The following SPRY4 variants were observed in gnomAD, a reference collection of about 807,000 sequenced individuals.
SPRY4 encodes protein sprouty homolog 4.
SPRY4 carries 7 observed loss-of-function variants against 17.0 expected under a neutral mutation model. The ratio of observed to expected loss-of-function variants is 0.41; its 90% confidence interval spans 0.23 to 0.77. The LOEUF is 0.77. Among genes scored for constraint, SPRY4 ranks in the 30% least tolerant of loss-of-function variants. The pLI, the probability that SPRY4 is intolerant of heterozygous loss-of-function variation, is 0.32. For synonymous variants in SPRY4, 183 were observed against 174.1 expected (o/e 1.05, Z -0.40); for missense variants, 435 against 419.9 (o/e 1.04, Z -0.31).
rs753337304 is a variant in SPRY4 at position 142,315,134 on chromosome 5, G to A, written c.-26C>T. 9 of 1,599,980 alleles carry A rather than the reference G, an allele frequency of 5.6e-6. No individual in the cohort carries two copies. The highest frequency in any genetic ancestry group is 1.7e-5 in the Admixed American group (1 of 59,520). On this transcript the variant is annotated 5_prime_UTR_variant, in exon 2 of 2. Transcript: ENST00000434127. Reference sequence around the variant, plus strand: ...GGGGCTGGAGGTCCTGGACTGTACGGAGAAACAGGCTTCTAGGGGCCCTGG... The same window carrying A: ...GGGGCTGGAGGTCCTGGACTGTACGAAGAAACAGGCTTCTAGGGGCCCTGG...
intron 1 of SPRY4, among the ~76,000 whole-genome samples, chr5:142,322,040 G>A (rs1219900834): frequency 4.7e-5 from 7 of 150,294 alleles, no homozygotes; most frequent in African/African-American, 1.5e-4. Context: ...GCACTGAAAG[G>A]CTGCTTTCAT....
chr5:142,315,234 T>A, intron 1 of SPRY4, 79 bp from the exon 2 acceptor site: 1 of 958,570 alleles, frequency 1.0e-6, no homozygotes. Context: ...TCACCCCCCA[T>A]CAGGTCCTTG....
chr5:142,314,302 G>C lies in SPRY4; in HGVS notation c.807C>G (p.Arg269=). 6.2e-7 allele frequency: 1 copy of C among 1,613,888 alleles called. No homozygotes were observed. The highest frequency in any genetic ancestry group is 8.5e-7 in the Non-Finnish European group (1 of 1,179,986). The change falls in exon 2 of 2, where the codon CGC becomes CGG. Residue 269 remains arginine (R), a synonymous_variant. Transcript: ENST00000434127. The surrounding 1 kb of genome is among the most constrained non-coding windows in gnomAD (Gnocchi z 4.8). ...TGTGCTTGCAGCGGCAACCAGGGCG[G>C]CGCAGACGGTCGTAGCCACGCTGGG... is the stretch of plus-strand genomic sequence containing the variant. The part of the protein sequence containing the change: ...KLAQRGYDRL[R]RPGCRCKHTN...
intron 1 of SPRY4, chr5:142,317,753 A>G: frequency 1.0e-6 from 1 of 985,378 alleles, no homozygotes; most frequent in African/African-American, 1.7e-5. Flanking sequence ...AATTCATGGA[A>G]AAGTCCCACC....
chr5:142,316,981 C>G (rs1759174492), intron 1 of SPRY4: 3 of 985,106 alleles, frequency 3.0e-6, no homozygotes, highest in Non-Finnish European at 3.6e-6. Context: ...TACCTAGTGG[C>G]AGTGCCTGCC....
intron 1 of SPRY4, chr5:142,317,204 A>C (rs1445756805): frequency 4.0e-5 from 39 of 985,338 alleles, no homozygotes; most frequent in Non-Finnish European, 1.2e-6. Flanking sequence ...GGCTGATGAC[A>C]ACGTAGGAAT....
Position 142,314,617 on chromosome 5 carries a change from C to T in SPRY4, c.492G>A (p.Lys164=), listed in dbSNP as rs775239777. The T allele has an allele frequency of 4.6e-5, 74 of 1,614,132 alleles. No homozygotes were observed. Among genetic ancestry groups the T allele is most frequent in the Non-Finnish European group, 6.0e-5 (71 of 1,180,042 alleles). The part of the protein sequence containing the change: ...KHFLLCEACG[K]CKCKECASPR... ...GGGATGCACACTCCTTGCATTTACA[C>T]TTCCCACAGGCCTCGCACAGCAAGA... The change falls in exon 2 of 2, where the codon AAG becomes AAA. Residue 164 remains lysine (K), a synonymous_variant. Coordinates refer to ENST00000434127, the MANE Select transcript of SPRY4 (RefSeq NM_001127496.3). This position sits in a 1 kb window ranked among gnomAD's most constrained non-coding sequence, Gnocchi z 4.8.
chr5:142,320,509 G>A (rs778693598), intron 1 of SPRY4, among the ~76,000 whole-genome samples: 14 of 152,140 alleles, frequency 9.2e-5, no homozygotes, highest in Non-Finnish European at 1.6e-4. Flanking sequence ...CCAGCACACG[G>A]AAGGGTGGGA....
intron 1 of SPRY4, chr5:142,317,262 C>T: frequency 2.0e-6 from 2 of 985,450 alleles, no homozygotes; most frequent in Non-Finnish European, 2.4e-6. Context: ...AATAGGTGTT[C>T]CAAAGCCTTG....
Position 142,315,166 on chromosome 5 carries a change from G to T in SPRY4, c.-47-11C>A. The T allele has an allele frequency of 1.3e-6, 2 of 1,542,960 alleles. No individual in the cohort carries two copies. Among genetic ancestry groups the T allele is most frequent in the Non-Finnish European group, 1.8e-6 (2 of 1,137,404 alleles). ...AGGCTTCTAGGGGCCCTGGGGGTGG[G>T]GTGGGGAAAAGGAAGAGAGAATGGA... On this transcript the variant is annotated splice_polypyrimidine_tract_variant and intron_variant, in intron 1 of 1. Transcript: ENST00000434127.
chr5:142,314,415 A>G lies in SPRY4; in HGVS notation c.694T>C (p.Cys232Arg). ...GCACCCATGAAGGACCAGCGGGCGC[A>G]GCAGTTGGAGCGGGAGCAGGAGCAG... ...HPCSCSRSNC[C>R]ARWSFMGALS... Residue 232 changes from cysteine to arginine, a missense_variant, in exon 2 of 2, where the codon TGC (cysteine) becomes CGC (arginine). Physicochemically the swap from Cys to Arg is radical, Grantham distance 180. Transcript: ENST00000434127. This position sits in a 1 kb window ranked among gnomAD's most constrained non-coding sequence, Gnocchi z 4.8. The G allele has an allele frequency of 6.2e-7, 1 of 1,613,966 alleles. No individual in the cohort carries two copies. Among genetic ancestry groups the G allele is most frequent in the Non-Finnish European group, 8.5e-7 (1 of 1,179,918 alleles).
chr5:142,313,933 A>T lies in SPRY4; in HGVS notation c.*276T>A. On this transcript the variant is annotated 3_prime_UTR_variant, in exon 2 of 2. Coordinates refer to ENST00000434127, the MANE Select transcript of SPRY4 (RefSeq NM_001127496.3). ...TCTGTGTTCTGTCTTCTGAAAAAGA[A>T]AAATTTCCCCCCAAACCACACCCTG... The T allele has an allele frequency of 2.2e-6, 1 of 445,300 alleles. No individual in the cohort carries two copies. Among genetic ancestry groups the T allele is most frequent in the Non-Finnish European group, 4.0e-6 (1 of 247,390 alleles). The allele number at this position is 445,300 out of a possible 1,614,324, so 27.6% of individuals were successfully genotyped here. A position where few individuals can be genotyped will look rare whatever the true frequency, so the allele number is the denominator to read the frequency against.
chr5:142,314,858 T>G lies in SPRY4; in HGVS notation c.251A>C (p.Asp84Ala), dbSNP rs750238164. The G allele has an allele frequency of 6.3e-7, 1 of 1,592,206 alleles. No individual in the cohort carries two copies. Among genetic ancestry groups the G allele is most frequent in the African/African-American group, 1.3e-5 (1 of 74,568 alleles). ...GAAGGAGATCCAATGGTGGGTGACA[T>G]CCTGGTCACAGCGGGCGGGCGTCGG... ...LAPTPARCDQ[D>A]VTHHWISFSG... The change falls in exon 2 of 2, where the codon GAT (aspartate) becomes GCT (alanine). Residue 84 changes from aspartate to alanine, a missense_variant. Asp to Ala is a moderately radical substitution (Grantham distance 126). Coordinates refer to ENST00000434127, the MANE Select transcript of SPRY4 (RefSeq NM_001127496.3). This position sits in a 1 kb window ranked among gnomAD's most constrained non-coding sequence, Gnocchi z 4.8.
At chr5:142,320,395 CA>C (rs142351367) in intron 1 of SPRY4, among the ~76,000 whole-genome samples, 7 of 144,696 alleles carry the variant, frequency 4.8e-5, no homozygotes, top group African/African-American at 1.3e-4. Flanking sequence ...TCAGAGATCA[CA>C]AAAAAAAAAC....
chr5:142,314,864 T>A lies in SPRY4; in HGVS notation c.245A>T (p.Asp82Val). The change falls in exon 2 of 2, where the codon GAC becomes GTC. Residue 82 changes from aspartate (D) to valine (V), a missense_variant. By Grantham distance (152) the Asp-to-Val change is radical (BLOSUM62 -3). Transcript: ENST00000434127. This position sits in a 1 kb window ranked among gnomAD's most constrained non-coding sequence, Gnocchi z 4.8. The part of the protein sequence containing the change: ...PELAPTPARC[D>V]QDVTHHWISF... ...GATCCAATGGTGGGTGACATCCTGG[T>A]CACAGCGGGCGGGCGTCGGGGCCAG... 3 of 1,593,034 alleles carry A rather than the reference T, an allele frequency of 1.9e-6. No homozygotes were observed. Among genetic ancestry groups the A allele is most frequent in the Non-Finnish European group, 2.6e-6 (3 of 1,167,520 alleles).
At chr5:142,320,727 A>G (rs942649660) in intron 1 of SPRY4, among the ~76,000 whole-genome samples, 3 of 152,174 alleles carry the variant, frequency 2.0e-5, no homozygotes, top group African/African-American at 7.2e-5. Flanking sequence ...CCAGAACCCT[A>G]GACTCCTAGG....
At chr5:142,316,041 C>T (rs1759139622) in intron 1 of SPRY4, among the ~76,000 whole-genome samples, 1 of 152,188 alleles carries the variant, frequency 6.6e-6, no homozygotes, top group Admixed American at 6.5e-5. Context: ...GAGCAGCAAC[C>T]TGCAGTGGCT....
At chr5:142,319,617 A>G (rs1239368909) in intron 1 of SPRY4, 2 of 1,286,516 alleles carry the variant, frequency 1.6e-6, no homozygotes, top group East Asian at 5.1e-5. Context: ...GAGCCAGGGC[A>G]CAGAGAGTCC....
chr5:142,310,908 C>A lies in SPRY4; in HGVS notation c.*3301G>T, dbSNP rs1004192738. On this transcript the variant is annotated 3_prime_UTR_variant, in exon 2 of 2. Transcript: ENST00000434127. ...GTGAATCGTACAGTGTAGAGCTGTG[C>A]TGCCCACGCCCGCCAGACACTTCCT... 6.6e-6 allele frequency: 1 copy of A among 151,192 alleles called. No individual in the cohort carries two copies. Among genetic ancestry groups the A allele is most frequent in the African/African-American group, 2.4e-5 (1 of 41,022 alleles). The allele number at this position is 151,192 out of a possible 1,614,324, so 9.4% of individuals were successfully genotyped here.
Sources: gnomAD v4.1 joint callset for allele counts (sites outside exome capture counted in the v4.1 genomes callset) on GRCh38, gnomAD v4.1.1 for gene constraint, Gnocchi (gnomAD v3.1) non-coding constraint, MANE v1.5 for transcripts, NCBI Gene and HGNC (gene_info 2026-07-23, HGNC 2026-07-21) for gene names.